NUP210L: variants seen among roughly 807,000 people sequenced by gnomAD.
The protein encoded by NUP210L is nuclear pore membrane glycoprotein 210-like.
Under a neutral mutation model 208.5 loss-of-function variants are expected in NUP210L, and 74 were observed. The observed-to-expected ratio is 0.35, with a 90% CI of 0.29 to 0.43. NUP210L has a LOEUF of 0.43. Ranked by LOEUF, NUP210L falls within the 20% of genes least tolerant of loss-of-function variation. NUP210L has a pLI of 1.00. For missense variants in NUP210L, 1,843 were observed against 2,289.4 expected, an observed-to-expected ratio of 0.81 and a Z score of 3.98; for synonymous variants, 780 against 816.9, an observed-to-expected ratio of 0.95 and a Z score of 0.77.
At chr1:154,119,292 G>C (rs1272662637) in intron 10 of NUP210L, among the ~76,000 whole-genome samples, 2 of 152,182 alleles carry the variant, frequency 1.3e-5, no homozygotes, top group South Asian at 4.1e-4. Context: ...TTTTGTGTAA[G>C]GTTCTACAGG....
chr1:154,113,136 G>A (rs1305447081), intron 12 of NUP210L, among the ~76,000 whole-genome samples: 1 of 140,064 alleles, frequency 7.1e-6, no homozygotes, highest in Non-Finnish European at 1.5e-5. Context: ...CAGCCGGGGT[G>A]ATGGGAGAGA....
At chr1:154,091,098 A>G (rs1352449726) in intron 15 of NUP210L, among the ~76,000 whole-genome samples, 1 of 147,336 alleles carries the variant, frequency 6.8e-6, no homozygotes, top group Admixed American at 6.9e-5. Context: ...TATTATTATT[A>G]TTATTATTAT....
At chr1:153,995,270 G>C in intron 37 of NUP210L, 90 bp from the exon 38 acceptor site, 1 of 908,224 alleles carries the variant, frequency 1.1e-6, no homozygotes, top group South Asian at 1.5e-5. Flanking sequence ...TTTTGAGACA[G>C]AGTTTTACTC....
Position 154,155,015 on chromosome 1 carries a change from G to T in NUP210L, c.30C>A (p.Arg10=), listed in dbSNP as rs771063293. The T allele has an allele frequency of 2.5e-6, 4 of 1,611,834 alleles. No homozygotes were observed. In the South Asian group the frequency reaches 3.3e-5, roughly 13 times the overall value. Residue 10 remains arginine, a synonymous_variant, in exon 1 of 40, where the codon CGC becomes CGA. Transcript: ENST00000368559. ...AGAAGAAAAAGAGCCCGAAGCCTCG[G>T]CGTCTTGATGACGCCGGACAGCCAG...
In NUP210L at chr1:154,059,306, G is replaced by C. The variant is rs764119356; in HGVS notation, c.2851-613C>G. ...GTTGAGACTGTGCCACTGCACTTCA[G>C]CCTGGGAAACAGAGTGAGACCTTGT... On this transcript the variant is annotated intron_variant, in intron 20 of 39. Coordinates refer to ENST00000368559, the Ensembl canonical transcript of NUP210L. Among the ~76,000 whole-genome samples the C allele has an allele frequency of 2.2e-4, 33 of 150,348 alleles. 1 individual carries two copies. Among genetic ancestry groups the C allele is most frequent in the Non-Finnish European group, 4.6e-4 (31 of 67,760 alleles).
chr1:154,110,545 C>T (rs1656987251), intron 12 of NUP210L, among the ~76,000 whole-genome samples: 1 of 151,404 alleles, frequency 6.6e-6, no homozygotes, highest in South Asian at 2.1e-4. Context: ...GCTGGGATTA[C>T]AGGTGTGAGC....
intron 27 of NUP210L, among the ~76,000 whole-genome samples, chr1:154,032,140 T>C (rs1571192660): frequency 6.6e-6 from 1 of 152,194 alleles, no homozygotes; most frequent in South Asian, 2.1e-4. Context: ...ATCTTGGCCA[T>C]TGTGAATAGT....
At chr1:154,099,641 C>T (rs542926808) in intron 14 of NUP210L, among the ~76,000 whole-genome samples, 1 of 152,238 alleles carries the variant, frequency 6.6e-6, no homozygotes, top group African/African-American at 2.4e-5. Flanking sequence ...ATACTAACTT[C>T]GGTATTTACA....
intron 12 of NUP210L, among the ~76,000 whole-genome samples, chr1:154,110,295 G>A (rs1421940167): frequency 7.2e-6 from 1 of 138,308 alleles, no homozygotes; most frequent in Non-Finnish European, 1.5e-5. Context: ...TTTTTTTTTT[G>A]ACAGTCTTGC....
chr1:154,151,274 T>C (rs183473269), intron 2 of NUP210L, among the ~76,000 whole-genome samples: 12 of 118,812 alleles, frequency 1.0e-4, no homozygotes, highest in Admixed American at 8.0e-4. Flanking sequence ...GAGACTATCA[T>C]ACCATATTTC....
At chr1:154,107,483 A>AC (rs1320464646) in intron 12 of NUP210L, among the ~76,000 whole-genome samples, 1 of 151,204 alleles carries the variant, frequency 6.6e-6, no homozygotes, top group Non-Finnish European at 1.5e-5. Context: ...CAAAAAAAAA[A>AC]AAAAAACTAA....
exon 22 of NUP210L, chr1:154,058,204 T>C (rs1557946650): frequency 6.2e-7 from 1 of 1,614,128 alleles, no homozygotes; most frequent in Admixed American, 1.7e-5. Flanking sequence ...AACACAGTTT[T>C]GTCTATTTCA....
intron 35 of NUP210L, among the ~76,000 whole-genome samples, chr1:154,003,496 A>G (rs1650333927): frequency 6.6e-6 from 1 of 151,492 alleles, no homozygotes; most frequent in Non-Finnish European, 1.5e-5. Context: ...GTGAGCCACC[A>G]TGCCTGGACT....
At chr1:154,025,951 GGT>G (rs1347622477) in intron 29 of NUP210L, among the ~76,000 whole-genome samples, 2 of 152,008 alleles carry the variant, frequency 1.3e-5, no homozygotes, top group African/African-American at 4.8e-5. Context: ...GGCCGGGTGT[GGT>G]GGCTCATGTC....
At position 154,155,078 on chromosome 1, in the gene NUP210L, A is replaced by G. The variant is rs1033605549; in HGVS notation, c.-34T>C. The G allele has an allele frequency of 4.7e-6, 7 of 1,504,066 alleles. No individual in the cohort carries two copies. The African/African-American group carries it at 9.7e-5, about 21-fold the overall frequency. The allele number at this position is 1,504,066 out of a possible 1,614,324, so 93.2% of individuals were successfully genotyped here. On this transcript the variant is annotated 5_prime_UTR_variant, in exon 1 of 40. Transcript: ENST00000368559. ...CCAGGTCTCGGGTTCCCGCTCAACT[A>G]CAGCCGGCTCACAGCTCCATCAGCC...
chr1:154,012,446 C>G, intron 33 of NUP210L, 76 bp from the exon 34 acceptor site: 1 of 1,386,246 alleles, frequency 7.2e-7, no homozygotes, highest in South Asian at 1.3e-5. Flanking sequence ...CCCCTCATAA[C>G]TTATTTAACC....
intron 12 of NUP210L, among the ~76,000 whole-genome samples, chr1:154,110,563 C>T (rs1350061577): frequency 6.6e-6 from 1 of 151,500 alleles, no homozygotes; most frequent in Non-Finnish European, 1.5e-5. Flanking sequence ...AGCCACCGCA[C>T]CCAGCCGAAG....
chr1:154,015,498 C>T (rs1178191054), intron 33 of NUP210L, among the ~76,000 whole-genome samples: 4 of 151,242 alleles, frequency 2.6e-5, no homozygotes, highest in Non-Finnish European at 5.9e-5. Flanking sequence ...AGGTGGGCAG[C>T]TCACTTGAGG....
chr1:154,025,814 C>G, intron 29 of NUP210L, 98 bp from the exon 30 acceptor site: 2 of 976,464 alleles, frequency 2.0e-6, no homozygotes, highest in Non-Finnish European at 3.0e-6. Context: ...GGGATGTACT[C>G]GAGAAAACTG....
Sources: allele counts gnomAD v4.1 joint callset (sites outside exome capture counted in the v4.1 genomes callset), GRCh38; gene constraint gnomAD v4.1.1; transcripts MANE v1.5; gene names NCBI Gene and HGNC (gene_info 2026-07-23, HGNC 2026-07-21).